The following FRMD5 variants were observed in gnomAD, a reference collection of about 807,000 sequenced individuals.
The protein encoded by FRMD5 is FERM domain-containing protein 5.
FRMD5 carries 20 observed loss-of-function variants against 69.0 expected under a neutral mutation model. That is an observed-to-expected ratio of 0.29 (90% CI 0.20 to 0.42). The LOEUF is 0.42. Among genes scored for constraint, FRMD5 ranks in the 10% least tolerant of loss-of-function variants. The pLI, the probability that FRMD5 is intolerant of heterozygous loss-of-function variation, is 1.00. For synonymous variants in FRMD5, 271 were observed against 260.1 expected, an observed-to-expected ratio of 1.04 and a Z score of -0.40; for missense variants, 595 against 708.6, an observed-to-expected ratio of 0.84 and a Z score of 1.82.
At chr15:44,094,269 C>T (rs2076519257) in intron 1 of FRMD5, among the ~76,000 whole-genome samples, 2 of 152,142 alleles carry the variant, frequency 1.3e-5, no homozygotes, top group Admixed American at 6.6e-5. Context: ...GATATGCAAA[C>T]AAAAGCAGAG....
rs34063043 is a variant in FRMD5, at chr15:43,875,804, GTTTTTTTTT to G, written c.1136-1351_1136-1343del. 270 of 210,640 alleles carry G rather than the reference GTTTTTTTTT, an allele frequency of 1.3e-3. 2 individuals are homozygous for G. In the East Asian group the frequency reaches 0.02, roughly 15 times the overall value. The allele number at this position is 210,640 out of a possible 1,614,324, so 13.0% of individuals were successfully genotyped here. ...TCTTGCCTTTGGTGTCCTGGGCCTAGTTTTTTTTTTTTTTTTTTTTTTTCTTTCAGTCTT... is the reference window on the plus strand; with the variant it reads ...TCTTGCCTTTGGTGTCCTGGGCCTAGTTTTTTTTTTTTTTCTTTCAGTCTT... On this transcript the variant is annotated intron_variant, in intron 13 of 13. Transcript: ENST00000417257.
At chr15:44,037,658 G>A (rs574785811) in intron 1 of FRMD5, among the ~76,000 whole-genome samples, 7 of 150,770 alleles carry the variant, frequency 4.6e-5, no homozygotes, top group Admixed American at 4.6e-4. Flanking sequence ...AGTTTTAGTA[G>A]AGTTGGGGTT....
At chr15:44,060,663 A>C (rs1159127137) in intron 1 of FRMD5, among the ~76,000 whole-genome samples, 2 of 152,212 alleles carry the variant, frequency 1.3e-5, no homozygotes, top group Non-Finnish European at 2.9e-5. Flanking sequence ...GACAACAGAA[A>C]TTTCATTCCA....
chr15:44,031,319 A>G (rs1891672188), intron 1 of FRMD5, among the ~76,000 whole-genome samples: 1 of 152,226 alleles, frequency 6.6e-6, no homozygotes, highest in Non-Finnish European at 1.5e-5. Context: ...AAATATAAAA[A>G]CAAAATTAAT....
At chr15:43,971,455 G>C (rs1201062747) in intron 1 of FRMD5, among the ~76,000 whole-genome samples, 1 of 151,572 alleles carries the variant, frequency 6.6e-6, no homozygotes, top group Non-Finnish European at 1.5e-5. Flanking sequence ...GGGAGGCCAA[G>C]AGGGCGGATC....
intron 1 of FRMD5, among the ~76,000 whole-genome samples, chr15:43,945,656 G>A (rs2089934421): frequency 6.6e-6 from 1 of 152,148 alleles, no homozygotes; most frequent in Non-Finnish European, 1.5e-5. Context: ...GCATCCCACT[G>A]TAAATGTACT....
intron 2 of FRMD5, among the ~76,000 whole-genome samples, chr15:43,920,881 G>GCGCT (rs2089481810): frequency 1.3e-5 from 2 of 152,230 alleles, no homozygotes; most frequent in Non-Finnish European, 2.9e-5. Context: ...AGCAGCCAGG[G>GCGCT]CGCTGCAGTC....
At chr15:44,010,784 GA>G (rs1890682868) in intron 1 of FRMD5, among the ~76,000 whole-genome samples, 1 of 152,046 alleles carries the variant, frequency 6.6e-6, no homozygotes, top group African/African-American at 2.4e-5. Flanking sequence ...AAACAAACAT[GA>G]ATACAACAGG....
chr15:43,983,628 T>C (rs1419082841), intron 1 of FRMD5, among the ~76,000 whole-genome samples: 2 of 152,214 alleles, frequency 1.3e-5, no homozygotes, highest in East Asian at 3.8e-4. Flanking sequence ...CACATTTACC[T>C]GGGAATCAGG....
At chr15:44,083,943 C>T (rs1370156325) in intron 1 of FRMD5, among the ~76,000 whole-genome samples, 1 of 151,940 alleles carries the variant, frequency 6.6e-6, no homozygotes, top group Non-Finnish European at 1.5e-5. Flanking sequence ...CTGAACATAC[C>T]TACCTTTCAT....
At chr15:44,060,020 T>C (rs1391697142) in intron 1 of FRMD5, among the ~76,000 whole-genome samples, 1 of 152,148 alleles carries the variant, frequency 6.6e-6, no homozygotes, top group Non-Finnish European at 1.5e-5. Flanking sequence ...TCTTCCAATC[T>C]GCTGACAATG....
At chr15:44,010,473 C>G (rs1164795840) in intron 1 of FRMD5, among the ~76,000 whole-genome samples, 1 of 150,772 alleles carries the variant, frequency 6.6e-6, no homozygotes, top group African/African-American at 2.4e-5. Flanking sequence ...TCTCAGCTCA[C>G]TGCAACCTCC....
Position 44,191,938 on chromosome 15 carries a change from A to ATATATATC in FRMD5, c.102+3014_102+3015insGATATATA, listed in dbSNP as rs2078203726. Among the ~76,000 whole-genome samples the ATATATATC allele has an allele frequency of 1.7e-4, 21 of 125,866 alleles. 2 individuals are homozygous for ATATATATC. The highest frequency in any genetic ancestry group is 6.3e-4 in the African/African-American group (21 of 33,080). The allele number at this position is 125,866 out of a possible 152,430, so 82.6% of individuals were successfully genotyped here. On this transcript the variant is annotated intron_variant, in intron 1 of 13. Transcript: ENST00000417257. ...ATATATATATTATATATATATATAT[A>ATATATATC]TATGTATCTCCATAAATGAAACAGA...
At chr15:43,883,572 T>A in intron 13 of FRMD5, 131 bp downstream of exon 13, 3 of 654,258 alleles carry the variant, frequency 4.6e-6, no homozygotes, top group East Asian at 2.6e-5. Context: ...GGATAAAACC[T>A]CCTACTTGCC....
chr15:43,920,151 C>A (rs2089467992), intron 2 of FRMD5, among the ~76,000 whole-genome samples: 1 of 152,210 alleles, frequency 6.6e-6, no homozygotes, highest in Non-Finnish European at 1.5e-5. Flanking sequence ...GACAGAGCCC[C>A]ACCTGGGTTG....
intron 1 of FRMD5, among the ~76,000 whole-genome samples, chr15:43,979,623 T>C (rs1025119641): frequency 2.0e-5 from 3 of 152,290 alleles, no homozygotes; most frequent in Admixed American, 1.3e-4. Flanking sequence ...AAAAGAAACA[T>C]AGATAGCAAT....
intron 7 of FRMD5, chr15:43,901,935 T>C: frequency 2.0e-6 from 1 of 491,252 alleles, no homozygotes; most frequent in South Asian, 2.7e-5. Flanking sequence ...GGGCCCTAGC[T>C]TTGGATTTGT....
chr15:44,023,382 T>C (rs897914889), intron 1 of FRMD5, among the ~76,000 whole-genome samples: 3 of 152,160 alleles, frequency 2.0e-5, no homozygotes, highest in Non-Finnish European at 4.4e-5. Context: ...GGAAATGACA[T>C]GTACAAAGGC....
intron 1 of FRMD5, among the ~76,000 whole-genome samples, chr15:44,074,513 T>G (rs1418019907): frequency 6.6e-6 from 1 of 152,118 alleles, no homozygotes; most frequent in African/African-American, 2.4e-5. Context: ...TTTTTGTTTT[T>G]TTTTTCTTGA....
Sources: gnomAD v4.1 joint callset for allele counts (sites outside exome capture counted in the v4.1 genomes callset) on GRCh38, gnomAD v4.1.1 for gene constraint, MANE v1.5 for transcripts, NCBI Gene and HGNC (gene_info 2026-07-23, HGNC 2026-07-21) for gene names.